Variants in EYS observed in about 807,000 individuals in gnomAD.
The protein encoded by EYS is protein eyes shut homolog.
In EYS, 250 loss-of-function variants were observed where a neutral mutation model predicts 282.1. The observed-to-expected ratio is 0.89, with a 90% CI of 0.80 to 0.98. EYS has a LOEUF of 0.98. Among genes scored for constraint, EYS ranks in the 50% least tolerant of loss-of-function variants. The pLI, the probability that EYS is intolerant of heterozygous loss-of-function variation, is 0.00. For missense variants in EYS, 4,016 were observed against 3,709.0 expected (o/e 1.08, Z -2.15); for synonymous variants, 1,355 against 1,282.9 (o/e 1.06, Z -1.20).
chr6:64,617,669 T>G, intron 23 of EYS, 136 bp from the exon 24 acceptor site: 1 of 631,918 alleles, frequency 1.6e-6, no homozygotes, highest in Non-Finnish European at 2.8e-6. Flanking sequence ...CCTCAGTGTA[T>G]CTTCATGATC....
intron 5 of EYS, among the ~76,000 whole-genome samples, chr6:65,427,811 ATAT>A (rs1239849077): frequency 1.3e-5 from 2 of 152,106 alleles, no homozygotes; most frequent in African/African-American, 4.8e-5. Context: ...ATGATTTATT[ATAT>A]TCAGGATATA....
chr6:64,631,924 C>G (rs946900543), intron 22 of EYS, among the ~76,000 whole-genome samples: 3 of 151,564 alleles, frequency 2.0e-5, no homozygotes, highest in African/African-American at 7.3e-5. Context: ...TTCTTATTTG[C>G]CTTTGAAATA....
At chr6:65,437,407 G>T (rs1006764632) in intron 5 of EYS, among the ~76,000 whole-genome samples, 3 of 151,930 alleles carry the variant, frequency 2.0e-5, no homozygotes, top group African/African-American at 7.2e-5. Context: ...AATATAGAAA[G>T]AAAAAGGGAA....
intron 28 of EYS, among the ~76,000 whole-genome samples, chr6:64,428,272 ATC>A (rs1010175523): frequency 2.6e-5 from 4 of 152,096 alleles, no homozygotes; most frequent in African/African-American, 9.6e-5. Flanking sequence ...ATATTTTTTC[ATC>A]TCTGTTTTCT....
intron 14 of EYS, among the ~76,000 whole-genome samples, chr6:64,956,777 A>T (rs1769718408): frequency 6.6e-6 from 1 of 152,194 alleles, no homozygotes; most frequent in Admixed American, 6.5e-5. Context: ...TGGGCAAAAA[A>T]TTTCAACAGA....
At chr6:64,022,050 T>C (rs1769217575) in intron 33 of EYS, among the ~76,000 whole-genome samples, 1 of 152,218 alleles carries the variant, frequency 6.6e-6, no homozygotes, top group Non-Finnish European at 1.5e-5. Flanking sequence ...TTCCTTTTTT[T>C]CTGTTACAGA....
intron 22 of EYS, among the ~76,000 whole-genome samples, chr6:64,812,542 G>T (rs955758647): frequency 6.6e-6 from 1 of 151,902 alleles, no homozygotes; most frequent in Non-Finnish European, 1.5e-5. Flanking sequence ...TGACAGTATT[G>T]TATAGAAGGC....
In EYS at chr6:64,388,912, T is replaced by C. The variant is rs986976949; in HGVS notation, c.5928-72A>G. ...CATTTATCTGACAAATTAATTAAAC[T>C]ATTATCAAAAGAATAATTTAAGTAA... On this transcript the variant is annotated intron_variant, in intron 28 of 42. Coordinates refer to ENST00000503581, the MANE Select transcript of EYS (RefSeq NM_001142800.2). The C allele has an allele frequency of 2.3e-5, 22 of 973,024 alleles. No homozygotes were observed. The Middle Eastern group carries it at 6.5e-4, about 29-fold the overall frequency. The allele number at this position is 973,024 out of a possible 1,614,324, so 60.3% of individuals were successfully genotyped here. A position where few individuals can be genotyped will look rare whatever the true frequency, so the allele number is the denominator to read the frequency against.
chr6:65,565,244 CAAAAAAAAA>C (rs765596305), intron 2 of EYS, among the ~76,000 whole-genome samples: 1 of 1,616 alleles, frequency 6.2e-4, no homozygotes, highest in Non-Finnish European at 7.8e-4. Flanking sequence ...GACTCCGTCT[CAAAAAAAAA>C]AAAAAAAAAA....
At chr6:64,030,580 G>A (rs1769774104) in intron 33 of EYS, among the ~76,000 whole-genome samples, 1 of 152,120 alleles carries the variant, frequency 6.6e-6, no homozygotes, top group African/African-American at 2.4e-5. Context: ...ATGCCGCCCG[G>A]CGTTTACAGG....
intron 15 of EYS, among the ~76,000 whole-genome samples, chr6:64,940,301 T>C (rs536333127): frequency 2.7e-4 from 41 of 152,146 alleles, no homozygotes; most frequent in African/African-American, 9.9e-4. Flanking sequence ...GTGGTGTTTG[T>C]CTGGTGACTG....
intron 35 of EYS, among the ~76,000 whole-genome samples, chr6:63,919,673 T>G (rs952540100): frequency 6.6e-6 from 1 of 152,242 alleles, no homozygotes; most frequent in Non-Finnish European, 1.5e-5. Context: ...CCTGGGATGA[T>G]TTCCCTAGGT....
intron 30 of EYS, among the ~76,000 whole-genome samples, chr6:64,232,589 C>T (rs1766458264): frequency 6.6e-6 from 1 of 152,100 alleles, no homozygotes; most frequent in Non-Finnish European, 1.5e-5. Context: ...CGGGGTTTCC[C>T]CATGTTGGAC....
At chr6:64,712,832 C>G (rs1352627487) in intron 22 of EYS, among the ~76,000 whole-genome samples, 1 of 152,086 alleles carries the variant, frequency 6.6e-6, no homozygotes, top group East Asian at 1.9e-4. Context: ...CTGAAATGCT[C>G]TAAGGTAAAA....
rs531247669 is a variant in EYS at position 65,276,599 on chromosome 6, T to C, written c.2023+19264A>G. On this transcript the variant is annotated intron_variant, in intron 12 of 42. Coordinates refer to ENST00000503581, the MANE Select transcript of EYS (RefSeq NM_001142800.2). ...AGGAAGGCTATATCTGGAATAAAGA[T>C]CATTGAAAGCCTTTCTTGGTATTAC... Among the ~76,000 whole-genome samples, 8 of 152,214 alleles carry C rather than the reference T, an allele frequency of 5.3e-5. No homozygotes were observed. The East Asian group carries it at 1.4e-3, about 26-fold the overall frequency.
intron 29 of EYS, among the ~76,000 whole-genome samples, chr6:64,364,886 A>C (rs1772137630): frequency 6.6e-6 from 1 of 151,902 alleles, no homozygotes. Context: ...CAGCACTGGT[A>C]CCCCTAAATC....
intron 2 of EYS, among the ~76,000 whole-genome samples, chr6:65,554,777 G>T (rs1768734559): frequency 6.6e-6 from 1 of 152,052 alleles, no homozygotes; most frequent in Non-Finnish European, 1.5e-5. Context: ...TGGCACAAAG[G>T]CTAATTACAG....
chr6:64,002,513 A>T (rs1349030349), intron 33 of EYS, among the ~76,000 whole-genome samples: 1 of 151,610 alleles, frequency 6.6e-6, no homozygotes, highest in Non-Finnish European at 1.5e-5. Flanking sequence ...GGAGTCACAG[A>T]CTCCCACCCC....
At chr6:64,905,916 T>G (rs1767813106) in intron 16 of EYS, among the ~76,000 whole-genome samples, 1 of 152,102 alleles carries the variant, frequency 6.6e-6, no homozygotes, top group East Asian at 1.9e-4. Flanking sequence ...ACAAGGTAGT[T>G]AAAAATCATA....
Sources: allele counts gnomAD v4.1 joint callset (sites outside exome capture counted in the v4.1 genomes callset), GRCh38; gene constraint gnomAD v4.1.1; transcripts MANE v1.5; gene names NCBI Gene and HGNC (gene_info 2026-07-23, HGNC 2026-07-21).